Variants in FTSJ1 observed in about 807,000 individuals in gnomAD.
FTSJ1 encodes the protein tRNA (cytidine(32)/guanosine(34)-2'-O)-methyltransferase.
FTSJ1 carries 3 observed loss-of-function variants against 28.5 expected under a neutral mutation model. That is an observed-to-expected ratio of 0.11 (90% CI 0.05 to 0.27). The LOEUF is 0.27. FTSJ1 is among the 10% of genes least tolerant of loss of function. The probability of loss-of-function intolerance (pLI) is 1.00; values close to 1 mark genes in which losing one functional copy is unlikely to be tolerated. For missense variants in FTSJ1, 162 were observed against 279.0 expected (o/e 0.58, Z 2.99); for synonymous variants, 104 against 113.9 (o/e 0.91, Z 0.55).
chrX:48,480,627 G>A (rs1309561873), intron 5 of FTSJ1, among the ~76,000 whole-genome samples: 1 of 111,261 alleles, frequency 9.0e-6, no homozygotes, highest in East Asian at 2.8e-4. Context: ...GGGCTCCGGG[G>A]TGGAGTAGTC....
At chrX:48,478,766 C>G (rs1556967504) in intron 4 of FTSJ1, 59 bp downstream of exon 4, 1 of 803,734 alleles carries the variant, frequency 1.2e-6, no homozygotes, top group Non-Finnish European at 1.9e-6. Flanking sequence ...TACCTGGGGT[C>G]TATGCAGAGT....
At position 48,478,073 on chromosome X, in the gene FTSJ1, G is replaced by A; in HGVS notation, c.26G>A (p.Arg9Gln). The A allele has an allele frequency of 1.7e-6, 2 of 1,211,260 alleles. No homozygotes were observed. Among genetic ancestry groups the A allele is most frequent in the Non-Finnish European group, 2.2e-6 (2 of 894,855 alleles). ...ATGGGACGGACGTCAAAGGACAAGC[G>A]GGATGTCTACTACCGCCTGGCCAAG... MGRTSKDKRDVYYRLAKEN... is the reference protein window; with the variant it reads MGRTSKDKQDVYYRLAKEN... Residue 9 changes from arginine (R) to glutamine (Q), a missense_variant, in exon 2 of 13, where the codon CGG becomes CAG. By Grantham distance (43) the Arg-to-Gln change is conservative. Transcript: ENST00000348411.
Position 48,478,083 on chromosome X carries a change from C to T in FTSJ1, c.36C>T (p.Tyr12=). ...CGTCAAAGGACAAGCGGGATGTCTA[C>T]TACCGCCTGGCCAAGGAGAATGGCT... is the stretch of plus-strand genomic sequence containing the variant. ...GRTSKDKRDV[Y]YRLAKENGWR... is the part of the protein sequence containing the mutation. Residue 12 remains tyrosine (Y), a synonymous_variant, in exon 2 of 13, where the codon TAC becomes TAT. Transcript: ENST00000348411. 8.3e-7 allele frequency: 1 copy of T among 1,210,749 alleles called. No homozygotes were observed. Among genetic ancestry groups the T allele is most frequent in the African/African-American group, 1.7e-5 (1 of 57,865 alleles).
At chrX:48,481,845 G>C in intron 9 of FTSJ1, 130 bp downstream of exon 9, 1 of 526,856 alleles carries the variant, frequency 1.9e-6, no homozygotes, top group South Asian at 2.5e-5. Context: ...TTCCCAAGGG[G>C]ATCCTTAGCC....
chrX:48,477,147 AC>A (rs1415026630), intron 1 of FTSJ1, among the ~76,000 whole-genome samples: 1 of 111,271 alleles, frequency 9.0e-6, no homozygotes, highest in African/African-American at 3.3e-5. Flanking sequence ...TTCTGTTGAT[AC>A]ATAGTAGGTG....
intron 9 of FTSJ1, among the ~76,000 whole-genome samples, chrX:48,482,011 G>A (rs1556968781): frequency 8.9e-6 from 1 of 112,138 alleles, no homozygotes; most frequent in East Asian, 2.8e-4. Flanking sequence ...ACCTGCCTAA[G>A]GACATTCTCT....
intron 5 of FTSJ1, among the ~76,000 whole-genome samples, chrX:48,480,808 G>A (rs782584597): frequency 8.1e-5 from 9 of 111,313 alleles, no homozygotes; most frequent in Non-Finnish European, 1.5e-4. Context: ...CAGATGAGAT[G>A]GGGAGGATGG....
intron 5 of FTSJ1, among the ~76,000 whole-genome samples, chrX:48,480,418 A>G (rs1294974880): frequency 9.1e-6 from 1 of 110,039 alleles, no homozygotes; most frequent in Non-Finnish European, 1.9e-5. Context: ...GAACAGAGTG[A>G]GGGGGGGAGA....
rs1158922731 is a variant in FTSJ1, at chrX:48,486,314, C to A, written c.*588C>A. On this transcript the variant is annotated 3_prime_UTR_variant, in exon 13 of 13. Transcript: ENST00000348411. ...ATATTACTGCATCTCAATTTTGTTT[C>A]AATTTAATATATAGTAATAATTGTA... is the stretch of plus-strand genomic sequence containing the variant. The A allele has an allele frequency of 9.0e-6, 1 of 111,649 alleles. No homozygotes were observed. Among genetic ancestry groups the A allele is most frequent in the Non-Finnish European group, 1.9e-5 (1 of 53,163 alleles). 9.2% of individuals were successfully genotyped at this position (111,649 alleles called of 1,213,427 possible).
Position 48,483,041 on chromosome X carries a change from G to A in FTSJ1, c.*9+14G>A. 2 of 1,172,667 alleles carry A rather than the reference G, an allele frequency of 1.7e-6. No homozygotes were observed. The highest frequency in any genetic ancestry group is 3.0e-5 in the East Asian group (1 of 33,702). ...TAACCCATTACGGTAAGTTTGCCTT[G>A]TTATCTAAGAGTTTGAGTAAGGGCA... On this transcript the variant is annotated intron_variant, in intron 12 of 12. Transcript: ENST00000348411.
At position 48,486,036 on chromosome X, in the gene FTSJ1, T is replaced by A. The variant is rs1307568478; in HGVS notation, c.*310T>A. ...CCTGGATAGAAGCCAGGGGTAACCA[T>A]GAACTTGATGGAAGAAAATGTTACA... On this transcript the variant is annotated 3_prime_UTR_variant, in exon 13 of 13. Coordinates refer to ENST00000348411, the MANE Select transcript of FTSJ1 (RefSeq NM_012280.4). 8.9e-6 allele frequency: 1 copy of A among 112,432 alleles called. No individual in the cohort carries two copies. The highest frequency in any genetic ancestry group is 3.2e-5 in the African/African-American group (1 of 30,925). The allele number at this position is 112,432 out of a possible 1,213,427, so 9.3% of individuals were successfully genotyped here. A position where few individuals can be genotyped will look rare whatever the true frequency, so the allele number is the denominator to read the frequency against.
intron 9 of FTSJ1, among the ~76,000 whole-genome samples, chrX:48,482,030 G>C (rs2061572970): frequency 8.9e-6 from 1 of 112,281 alleles, no homozygotes; most frequent in Admixed American, 9.4e-5. Context: ...CTCCTAGGAA[G>C]ATCTCAGTCA....
intron 12 of FTSJ1, among the ~76,000 whole-genome samples, chrX:48,485,533 G>A (rs1274298309): frequency 9.1e-6 from 1 of 110,214 alleles, no homozygotes; most frequent in Non-Finnish European, 1.9e-5. Context: ...TAGCAGCAGA[G>A]TTAGCTAGGT....
chrX:48,477,597 ATACAG>A, intron 1 of FTSJ1, among the ~76,000 whole-genome samples: 1 of 111,255 alleles, frequency 9.0e-6, no homozygotes, highest in Non-Finnish European at 1.9e-5. Flanking sequence ...ACAACTGGGG[ATACAG>A]TCAGTGAGAT....
intron 5 of FTSJ1, among the ~76,000 whole-genome samples, chrX:48,480,216 G>C (rs1556968068): frequency 9.0e-6 from 1 of 111,069 alleles, no homozygotes; most frequent in Non-Finnish European, 1.9e-5. Context: ...AGGAGTACCT[G>C]TTGGAATTTT....
intron 12 of FTSJ1, among the ~76,000 whole-genome samples, chrX:48,485,343 T>TA (rs1294298220): frequency 3.6e-5 from 4 of 111,395 alleles, no homozygotes; most frequent in African/African-American, 1.3e-4. Context: ...CTATCTATAG[T>TA]ATATGCCCAT....
chrX:48,480,687 T>A (rs1441773839), intron 5 of FTSJ1, among the ~76,000 whole-genome samples: 4 of 110,929 alleles, frequency 3.6e-5, no homozygotes, highest in African/African-American at 1.3e-4. Context: ...GAAGATCAAG[T>A]CAGATCTTTT....
At position 48,481,629 on chromosome X, in the gene FTSJ1, C is replaced by A; in HGVS notation, c.572-3C>A. 8.4e-7 allele frequency: 1 copy of A among 1,187,028 alleles called. No individual in the cohort carries two copies. Among genetic ancestry groups the A allele is most frequent in the Non-Finnish European group, 1.1e-6 (1 of 872,858 alleles). On this transcript the variant is annotated splice_polypyrimidine_tract_variant and splice_region_variant and intron_variant, in intron 8 of 12. Transcript: ENST00000348411. Reference sequence around the variant, plus strand: ...CATGCCTCACTCCACCTTCCCCTGGCAGAGGCCTTCGCTGTCTGTCAGGGC... The same window carrying A: ...CATGCCTCACTCCACCTTCCCCTGGAAGAGGCCTTCGCTGTCTGTCAGGGC...
chrX:48,483,286 A>G, intron 12 of FTSJ1: 4 of 394,551 alleles, frequency 1.0e-5, no homozygotes. Flanking sequence ...AAACAGAAAT[A>G]TCTTGGCTCT....
Sources: gnomAD v4.1 joint callset for allele counts (sites outside exome capture counted in the v4.1 genomes callset) on GRCh38, gnomAD v4.1.1 for gene constraint, MANE v1.5 for transcripts, NCBI Gene and HGNC (gene_info 2026-07-23, HGNC 2026-07-21) for gene names.